CADPS2: variants seen among roughly 807,000 people sequenced by gnomAD.
CADPS2 encodes the protein calcium dependent secretion activator 2.
Under a neutral mutation model 172.5 loss-of-function variants are expected in CADPS2, and 93 were observed. That is an observed-to-expected ratio of 0.54 (90% CI 0.46 to 0.64). The LOEUF is 0.64. CADPS2 is among the 30% of genes least tolerant of loss of function. CADPS2 has a pLI of 0.00. For synonymous variants in CADPS2, 546 were observed against 555.2 expected (o/e 0.98, Z 0.23); for missense variants, 1,420 against 1,565.9 (o/e 0.91, Z 1.57).
intron 14 of CADPS2, among the ~76,000 whole-genome samples, chr7:122,465,671 A>G (rs928870579): frequency 2.0e-5 from 3 of 152,154 alleles, no homozygotes. Context: ...CATCCATGAA[A>G]AATTTACCTT....
At chr7:122,473,385 A>C (rs2056226864) in intron 13 of CADPS2, among the ~76,000 whole-genome samples, 1 of 152,184 alleles carries the variant, frequency 6.6e-6, no homozygotes, top group Admixed American at 6.5e-5. Flanking sequence ...GCCTGATTCA[A>C]GAATTCATGA....
At chr7:122,724,644 T>C (rs2090887754) in intron 2 of CADPS2, among the ~76,000 whole-genome samples, 1 of 152,038 alleles carries the variant, frequency 6.6e-6, no homozygotes, top group Non-Finnish European at 1.5e-5. Flanking sequence ...TACAGATGAA[T>C]AAACTCAAGT....
At chr7:122,855,177 G>A (rs867308523) in intron 1 of CADPS2, among the ~76,000 whole-genome samples, 1 of 152,126 alleles carries the variant, frequency 6.6e-6, no homozygotes, top group Admixed American at 6.6e-5. Flanking sequence ...TTTTCCTGGA[G>A]GGATCATTTC....
chr7:122,557,048 G>A (rs1473256996), intron 7 of CADPS2, among the ~76,000 whole-genome samples: 1 of 152,034 alleles, frequency 6.6e-6, no homozygotes, highest in Non-Finnish European at 1.5e-5. Flanking sequence ...TGTTTTTCTG[G>A]ACAGACTGAC....
At chr7:122,528,999 T>G (rs2061521736) in intron 8 of CADPS2, among the ~76,000 whole-genome samples, 1 of 152,126 alleles carries the variant, frequency 6.6e-6, no homozygotes, top group South Asian at 2.1e-4. Context: ...CCACTTTTAT[T>G]ATTAATACCA....
intron 5 of CADPS2, among the ~76,000 whole-genome samples, chr7:122,619,194 T>C (rs2075298915): frequency 6.7e-6 from 1 of 149,394 alleles, no homozygotes; most frequent in Non-Finnish European, 1.5e-5. Context: ...ATTATTACAA[T>C]TGTTTAAGAT....
At chr7:122,751,159 G>T (rs1049908103) in intron 1 of CADPS2, among the ~76,000 whole-genome samples, 3 of 151,864 alleles carry the variant, frequency 2.0e-5, no homozygotes, top group Non-Finnish European at 4.4e-5. Flanking sequence ...ACTGTTTTTT[G>T]GTAGAGACAG....
intron 7 of CADPS2, among the ~76,000 whole-genome samples, chr7:122,574,797 T>A (rs1489909339): frequency 1.3e-5 from 2 of 152,150 alleles, no homozygotes; most frequent in Non-Finnish European, 1.5e-5. Flanking sequence ...AAATTTTTTT[T>A]AAATCTATGA....
chr7:122,669,299 C>A (rs2081513405), intron 2 of CADPS2, among the ~76,000 whole-genome samples: 1 of 151,060 alleles, frequency 6.6e-6, no homozygotes, highest in Admixed American at 6.6e-5. Flanking sequence ...CCACTGCACT[C>A]CAAACTGAGT....
chr7:122,436,392 GAA>G, intron 17 of CADPS2: 3 of 1,272,770 alleles, frequency 2.4e-6, no homozygotes, highest in Non-Finnish European at 3.1e-6. Flanking sequence ...TAAAACATAA[GAA>G]AAGAGAATTT....
At chr7:122,637,206 T>TC (rs1563924433) in intron 3 of CADPS2, among the ~76,000 whole-genome samples, 17 of 48,392 alleles carry the variant, frequency 3.5e-4, no homozygotes, top group African/African-American at 1.1e-3. Flanking sequence ...TTTTTTTTTT[T>TC]TTCCTGAGAC....
At chr7:122,506,455 A>G (rs990265848) in intron 9 of CADPS2, among the ~76,000 whole-genome samples, 5 of 152,216 alleles carry the variant, frequency 3.3e-5, no homozygotes, top group Admixed American at 2.6e-4. Context: ...CTGTAGTACC[A>G]CAAGGTATCT....
intron 3 of CADPS2, among the ~76,000 whole-genome samples, chr7:122,649,392 G>T (rs1299666253): frequency 6.6e-6 from 1 of 152,110 alleles, no homozygotes; most frequent in Non-Finnish European, 1.5e-5. Flanking sequence ...CAACTAGACT[G>T]TTCCCAGCTT....
intron 6 of CADPS2, among the ~76,000 whole-genome samples, chr7:122,599,815 T>C (rs911981178): frequency 6.6e-6 from 1 of 152,060 alleles, no homozygotes; most frequent in Non-Finnish European, 1.5e-5. Flanking sequence ...ATACAGTATA[T>C]ACTATATTCT....
chr7:122,453,816 T>C (rs1211824012), intron 14 of CADPS2, among the ~76,000 whole-genome samples: 3 of 152,110 alleles, frequency 2.0e-5, no homozygotes, highest in Non-Finnish European at 4.4e-5. Context: ...GGTCAGGTGA[T>C]GACAAGTGAG....
intron 2 of CADPS2, among the ~76,000 whole-genome samples, chr7:122,668,043 C>CA (rs1444069707): frequency 1.3e-5 from 2 of 151,958 alleles, no homozygotes; most frequent in Non-Finnish European, 1.5e-5. Context: ...GTGGCAGCAC[C>CA]AAGGGTAGAC....
At chr7:122,719,604 T>A (rs1005080275) in intron 2 of CADPS2, among the ~76,000 whole-genome samples, 14 of 152,158 alleles carry the variant, frequency 9.2e-5, no homozygotes, top group African/African-American at 2.9e-4. Flanking sequence ...TTCACATCCA[T>A]CTACAATCAC....
chr7:122,699,925 T>C (rs1026596629), intron 2 of CADPS2, among the ~76,000 whole-genome samples: 1 of 152,200 alleles, frequency 6.6e-6, no homozygotes, highest in African/African-American at 2.4e-5. Context: ...AGTTAACCAT[T>C]AGCAGCAATA....
intron 6 of CADPS2, among the ~76,000 whole-genome samples, chr7:122,601,688 A>G (rs1268002185): frequency 2.0e-5 from 3 of 152,038 alleles, no homozygotes; most frequent in Admixed American, 1.3e-4. Context: ...TAAGTGCAAA[A>G]AAAACCCCCA....
Sources: allele counts gnomAD v4.1 joint callset (sites outside exome capture counted in the v4.1 genomes callset), GRCh38; gene constraint gnomAD v4.1.1; transcripts MANE v1.5; gene names NCBI Gene and HGNC (gene_info 2026-07-23, HGNC 2026-07-21).